Variants in SDC2 observed in about 807,000 individuals in gnomAD.
SDC2 encodes the protein syndecan-2.
SDC2 carries 13 observed loss-of-function variants against 22.2 expected under a neutral mutation model. The observed-to-expected ratio is 0.59, with a 90% confidence interval of 0.38 to 0.93. The LOEUF (loss-of-function observed/expected upper bound fraction) is 0.93, where lower values mean the gene tolerates loss of function less well. Ranked by LOEUF, SDC2 falls within the 40% of genes least tolerant of loss-of-function variation. The pLI is 0.00. For missense variants in SDC2, 235 were observed against 246.8 expected, an observed-to-expected ratio of 0.95 and a Z score of 0.32; for synonymous variants, 94 against 92.8, an observed-to-expected ratio of 1.01 and a Z score of -0.07.
intron 1 of SDC2, among the ~76,000 whole-genome samples, chr8:96,533,347 TATA>T (rs1563651415): frequency 6.6e-6 from 1 of 152,176 alleles, no homozygotes; most frequent in African/African-American, 2.4e-5. Context: ...TGGTCTGTTT[TATA>T]GAGAGCTGAT....
intron 1 of SDC2, among the ~76,000 whole-genome samples, chr8:96,500,014 G>T (rs923115424): frequency 1.3e-5 from 2 of 152,136 alleles, no homozygotes; most frequent in African/African-American, 2.4e-5. Flanking sequence ...GAAGTTTCAC[G>T]CTGGCCACTG....
chr8:96,602,557 T>C lies in SDC2; in HGVS notation c.306+29T>C, dbSNP rs1446109788. ...CGTTCTATTTTCCATTGCATTGCAT[T>C]ATCAGGTTATTACAAATGCTTCACT... On this transcript the variant is annotated intron_variant, in intron 3 of 4. Coordinates refer to ENST00000302190, the MANE Select transcript of SDC2 (RefSeq NM_002998.4). 5.0e-6 allele frequency: 8 copies of C among 1,611,888 alleles called. No individual in the cohort carries two copies. The East Asian group carries it at 1.6e-4, about 31-fold the overall frequency.
intron 1 of SDC2, among the ~76,000 whole-genome samples, chr8:96,565,126 G>A (rs1170341062): frequency 8.9e-5 from 5 of 56,150 alleles, no homozygotes; most frequent in Admixed American, 1.8e-4. Flanking sequence ...TTGCTCTGTC[G>A]CCAGGCTGGA....
Position 96,599,220 on chromosome 8 carries a change from C to T in SDC2, c.173-3175C>T, listed in dbSNP as rs775522264. ...CCTCCCAAAGTGCTAGGATTGCAGG[C>T]GCGAGCTACTGTGCTTGGCCCTGTC... is the stretch of plus-strand genomic sequence containing the variant. On this transcript the variant is annotated intron_variant, in intron 2 of 4. Coordinates refer to ENST00000302190, the MANE Select transcript of SDC2 (RefSeq NM_002998.4). Among the ~76,000 whole-genome samples the T allele has an allele frequency of 7.2e-5, 11 of 152,100 alleles. 1 individual carries two copies. Among genetic ancestry groups the T allele is most frequent in the Non-Finnish European group, 1.5e-4 (10 of 68,028 alleles).
intron 1 of SDC2, among the ~76,000 whole-genome samples, chr8:96,496,791 AG>A (rs773490855): frequency 5.9e-5 from 9 of 152,350 alleles, no homozygotes; most frequent in Admixed American, 6.5e-5. Flanking sequence ...AGAGGTTCTC[AG>A]GAACTAAGGC....
chr8:96,494,030 G>C lies in SDC2; in HGVS notation c.-242G>C, dbSNP rs2130402706. ...GGAGCACCAACTCCGTGTCGGGAGT[G>C]CAGAAACCAACAAGTGAGAGGGCGC... On this transcript the variant is annotated 5_prime_UTR_variant, in exon 1 of 5. Transcript: ENST00000302190. The C allele has an allele frequency of 3.7e-6, 2 of 546,168 alleles. No homozygotes were observed. The highest frequency in any genetic ancestry group is 3.3e-5 in the East Asian group (1 of 29,866). 33.8% of individuals were successfully genotyped at this position (546,168 alleles called of 1,614,324 possible).
At chr8:96,557,773 A>G (rs998474970) in intron 1 of SDC2, among the ~76,000 whole-genome samples, 6 of 152,290 alleles carry the variant, frequency 3.9e-5, no homozygotes, top group Admixed American at 3.3e-4. Context: ...CTTAAAGTAT[A>G]ATAATAAAAA....
Position 96,609,919 on chromosome 8 carries a change from T to A in SDC2, c.*371T>A, listed in dbSNP as rs1227825467. ...CAGATTGACCTTACCAAGTTGGTCTTACTTTGTTAATTTATCTGTTGTCCC... is the reference window on the plus strand; with the variant it reads ...CAGATTGACCTTACCAAGTTGGTCTAACTTTGTTAATTTATCTGTTGTCCC... On this transcript the variant is annotated 3_prime_UTR_variant, in exon 5 of 5. Coordinates refer to ENST00000302190, the MANE Select transcript of SDC2 (RefSeq NM_002998.4). 9 of 158,368 alleles carry A rather than the reference T, an allele frequency of 5.7e-5. No homozygotes were observed. The highest frequency in any genetic ancestry group is 1.4e-5 in the Non-Finnish European group (1 of 72,024). The allele number at this position is 158,368 out of a possible 1,614,324, so 9.8% of individuals were successfully genotyped here.
chr8:96,609,301 G>T, intron 4 of SDC2, 84 bp from the exon 5 acceptor site: 1 of 1,125,572 alleles, frequency 8.9e-7, no homozygotes. Context: ...TTATAAAAGT[G>T]TAAGTAGATT....
chr8:96,576,332 C>G (rs114464706), intron 1 of SDC2, among the ~76,000 whole-genome samples: 76 of 136,852 alleles, frequency 5.6e-4, no homozygotes, highest in African/African-American at 1.9e-3. Context: ...AAGCATAGGA[C>G]AATATTCTCC....
At chr8:96,562,439 G>A (rs1382797268) in intron 1 of SDC2, among the ~76,000 whole-genome samples, 4 of 152,186 alleles carry the variant, frequency 2.6e-5, no homozygotes, top group Non-Finnish European at 2.9e-5. Context: ...AGCCTGGGAA[G>A]TTAGGATGCC....
intron 1 of SDC2, among the ~76,000 whole-genome samples, chr8:96,508,409 CT>C (rs1486286747): frequency 6.6e-6 from 1 of 151,456 alleles, no homozygotes; most frequent in Non-Finnish European, 1.5e-5. Context: ...GGCAGAATGG[CT>C]TTAACACAGG....
chr8:96,494,658 G>C (rs1011963430), intron 1 of SDC2, among the ~76,000 whole-genome samples: 4 of 152,166 alleles, frequency 2.6e-5, no homozygotes, highest in African/African-American at 4.8e-5. Flanking sequence ...AGGACGGAGG[G>C]GAAAGGGTGG....
Position 96,493,976 on chromosome 8 carries a change from C to G in SDC2, c.-296C>G. ...GCGGAGGAGCAAAACCACAGCAGAG[C>G]AAGAAGAGCTTCAGAGAGCAGCCTT... On this transcript the variant is annotated 5_prime_UTR_variant, in exon 1 of 5. Transcript: ENST00000302190. 2.1e-6 allele frequency: 1 copy of G among 478,626 alleles called. No homozygotes were observed. 29.6% of individuals were successfully genotyped at this position (478,626 alleles called of 1,614,324 possible). A position where few individuals can be genotyped will look rare whatever the true frequency, so the allele number is the denominator to read the frequency against.
At chr8:96,501,204 T>C (rs1282075114) in intron 1 of SDC2, among the ~76,000 whole-genome samples, 1 of 151,710 alleles carries the variant, frequency 6.6e-6, no homozygotes, top group Non-Finnish European at 1.5e-5. Context: ...ATTAATAGAA[T>C]TTAGTCTCAT....
At chr8:96,538,255 C>T (rs1485686069) in intron 1 of SDC2, among the ~76,000 whole-genome samples, 1 of 152,170 alleles carries the variant, frequency 6.6e-6, no homozygotes. Flanking sequence ...CCACTGCGCC[C>T]AGCCAAAGCT....
At chr8:96,497,153 T>G (rs1813089557) in intron 1 of SDC2, among the ~76,000 whole-genome samples, 1 of 151,894 alleles carries the variant, frequency 6.6e-6, no homozygotes, top group Non-Finnish European at 1.5e-5. Flanking sequence ...GTCAAGTCAT[T>G]TGGGCCCATG....
At chr8:96,500,408 T>A (rs1255216971) in intron 1 of SDC2, among the ~76,000 whole-genome samples, 1 of 152,052 alleles carries the variant, frequency 6.6e-6, no homozygotes, top group East Asian at 1.9e-4. Context: ...ATGCCTGTAA[T>A]CCCAGCACTT....
At chr8:96,564,107 T>C (rs1366031147) in intron 1 of SDC2, among the ~76,000 whole-genome samples, 1 of 152,212 alleles carries the variant, frequency 6.6e-6, no homozygotes, top group Non-Finnish European at 1.5e-5. Flanking sequence ...TCCACCTTTC[T>C]AAAGACTCAG....
Sources: allele counts gnomAD v4.1 joint callset (sites outside exome capture counted in the v4.1 genomes callset), GRCh38; gene constraint gnomAD v4.1.1; transcripts MANE v1.5; gene names NCBI Gene and HGNC (gene_info 2026-07-23, HGNC 2026-07-21).